Variants in NPR3 observed in about 807,000 individuals in gnomAD.
NPR3 encodes the protein natriuretic peptide receptor 3.
In NPR3, 34 loss-of-function variants were observed where a neutral mutation model predicts 54.5. The observed-to-expected ratio is 0.62, with a 90% CI of 0.47 to 0.83. NPR3 has a LOEUF of 0.83. Among genes scored for constraint, NPR3 ranks in the 40% least tolerant of loss-of-function variants. NPR3 has a pLI of 0.00. For missense variants in NPR3, 674 were observed against 720.8 expected (o/e 0.94, Z 0.74); for synonymous variants, 289 against 297.1 (o/e 0.97, Z 0.28).
At chr5:32,748,431 A>G (rs1340163616) in intron 3 of NPR3, among the ~76,000 whole-genome samples, 1 of 132,630 alleles carries the variant, frequency 7.5e-6, no homozygotes, top group Non-Finnish European at 1.6e-5. Flanking sequence ...GCAACAGCAG[A>G]AAGCATTACC....
upstream of NPR3, among the ~76,000 whole-genome samples, chr5:32,705,694 C>T (rs1737967393): frequency 1.3e-5 from 2 of 152,110 alleles, no homozygotes; most frequent in Admixed American, 1.3e-4. Flanking sequence ...CACCAGTCCC[C>T]TTTTCAAATA....
rs372653557 is a variant in NPR3, at chr5:32,786,218, C to T, written c.1515-16C>T. The T allele has an allele frequency of 2.6e-5, 28 of 1,093,154 alleles. No individual in the cohort carries two copies. The highest frequency in any genetic ancestry group is 3.4e-5 in the Non-Finnish European group (25 of 732,956). The allele number at this position is 1,093,154 out of a possible 1,614,324, so 67.7% of individuals were successfully genotyped here. ...TAGCCAAGTTTTATTACCACATTCA[C>T]TTTCCCTTTACCCAGGAAGAAATAC... On this transcript the variant is annotated splice_polypyrimidine_tract_variant and intron_variant, in intron 7 of 7. Coordinates refer to ENST00000265074, the MANE Select transcript of NPR3 (RefSeq NM_001204375.2).
chr5:32,758,552 A>G (rs1360390333), intron 3 of NPR3, among the ~76,000 whole-genome samples: 1 of 151,336 alleles, frequency 6.6e-6, no homozygotes, highest in African/African-American at 2.4e-5. Flanking sequence ...TCAAAAAACT[A>G]GCTCCTGGAT....
At chr5:32,785,292 G>A (rs539381729) in intron 7 of NPR3, among the ~76,000 whole-genome samples, 8 of 152,120 alleles carry the variant, frequency 5.3e-5, no homozygotes, top group African/African-American at 1.4e-4. Flanking sequence ...TGGGACTACA[G>A]GTGCAGACCA....
intron 4 of NPR3, among the ~76,000 whole-genome samples, chr5:32,776,391 C>G (rs1271173663): frequency 6.6e-6 from 1 of 152,312 alleles, no homozygotes; most frequent in Non-Finnish European, 1.5e-5. Context: ...TCTTGCACAT[C>G]TTGAAGAATT....
Position 32,787,594 on chromosome 5 carries a change from A to AAGAGGG in NPR3, c.*1249_*1250insAGAGGG. 6.6e-6 allele frequency: 1 copy of AAGAGGG among 152,334 alleles called. No homozygotes were observed. Among genetic ancestry groups the AAGAGGG allele is most frequent in the Middle Eastern group, 3.4e-3 (1 of 294 alleles). 9.4% of individuals were successfully genotyped at this position (152,334 alleles called of 1,614,324 possible). On this transcript the variant is annotated 3_prime_UTR_variant, in exon 8 of 8. Coordinates refer to ENST00000265074, the MANE Select transcript of NPR3 (RefSeq NM_001204375.2). ...ATTTTGTTTAAAAGAGGGAACCTAA[A>AAGAGGG]TATCTACTCTATTCCCTTTCAGTTA...
chr5:32,718,019 GA>G (rs1738648198), intron 1 of NPR3, among the ~76,000 whole-genome samples: 1 of 152,112 alleles, frequency 6.6e-6, no homozygotes, highest in Non-Finnish European at 1.5e-5. Context: ...AATCCATCTT[GA>G]ATTAATTTTT....
chr5:32,765,795 C>T lies in NPR3; in HGVS notation c.1060-8913C>T, dbSNP rs533415910. Among the ~76,000 whole-genome samples the T allele has an allele frequency of 1.1e-4, 17 of 152,226 alleles. 1 individual carries two copies. Among genetic ancestry groups the T allele is most frequent in the Non-Finnish European group, 1.5e-5 (1 of 68,014 alleles). ...AGGGGTCTTTGGAGGATACAGATGA[C>T]ACATTGAAAGGGAATCAAACGGAAT... On this transcript the variant is annotated intron_variant, in intron 3 of 7. Coordinates refer to ENST00000265074, the MANE Select transcript of NPR3 (RefSeq NM_001204375.2).
At chr5:32,779,221 A>G (rs1433884666) in intron 4 of NPR3, among the ~76,000 whole-genome samples, 1 of 152,172 alleles carries the variant, frequency 6.6e-6, no homozygotes, top group Non-Finnish European at 1.5e-5. Context: ...AGGAGTCAGT[A>G]CCTCCAGAGA....
In NPR3 at chr5:32,711,518, T is replaced by G. The variant is rs1321081843; in HGVS notation, c.-259T>G. The G allele has an allele frequency of 8.4e-7, 1 of 1,193,686 alleles. No individual in the cohort carries two copies. Among genetic ancestry groups the G allele is most frequent in the Non-Finnish European group, 1.0e-6 (1 of 964,584 alleles). The allele number at this position is 1,193,686 out of a possible 1,614,324, so 73.9% of individuals were successfully genotyped here. On this transcript the variant is annotated 5_prime_UTR_variant, in exon 1 of 8. Transcript: ENST00000265074. The stretch of plus-strand genomic sequence containing the variant: ...ATATACAAGTATATATATATGTATA[T>G]TACAGACGCACAGGTTTACACCCGG...
chr5:32,770,983 C>A (rs1741726214), intron 3 of NPR3, among the ~76,000 whole-genome samples: 1 of 151,836 alleles, frequency 6.6e-6, no homozygotes, highest in Non-Finnish European at 1.5e-5. Flanking sequence ...GGGGACATAC[C>A]AGCTGACCTT....
intron 1 of NPR3, among the ~76,000 whole-genome samples, chr5:32,701,245 C>T (rs1737788678): frequency 6.6e-6 from 1 of 152,076 alleles, no homozygotes; most frequent in South Asian, 2.1e-4. Context: ...ATCCTGTCCT[C>T]ATGTTCACTA....
chr5:32,711,762 C>T lies in NPR3; in HGVS notation c.-15C>T, dbSNP rs1364989669. The T allele has an allele frequency of 1.4e-6, 2 of 1,417,130 alleles. No homozygotes were observed. Among genetic ancestry groups the T allele is most frequent in the Non-Finnish European group, 1.8e-6 (2 of 1,085,632 alleles). 87.8% of individuals were successfully genotyped at this position (1,417,130 alleles called of 1,614,324 possible). A position where few individuals can be genotyped will look rare whatever the true frequency, so the allele number is the denominator to read the frequency against. On this transcript the variant is annotated 5_prime_UTR_variant, in exon 1 of 8. Coordinates refer to ENST00000265074, the MANE Select transcript of NPR3 (RefSeq NM_001204375.2). ...GAGTCGGCGGCGGCGAGGGCAAGCT[C>T]TTTCTTGCGGCACGATGCCGTCTCT...
chr5:32,738,942 T>A lies in NPR3; in HGVS notation c.971T>A (p.Leu324Gln). 1 of 1,614,014 alleles carries A rather than the reference T, an allele frequency of 6.2e-7. No homozygotes were observed. The change falls in exon 3 of 8, where the codon CTA becomes CAA. Residue 324 changes from leucine to glutamine, a missense_variant. Leu to Gln is a moderately radical substitution (Grantham distance 113). Transcript: ENST00000265074. Reference protein sequence around the residue: ...QAYSSLQTVTLLRTVKPEFEK... With the variant: ...QAYSSLQTVTQLRTVKPEFEK... Reference sequence around the variant, plus strand: ...TACTCGTCCCTCCAGACAGTCACTCTACTGAGGACAGTGAAACCTGAGTTT... The same window carrying A: ...TACTCGTCCCTCCAGACAGTCACTCAACTGAGGACAGTGAAACCTGAGTTT...
intron 3 of NPR3, among the ~76,000 whole-genome samples, chr5:32,753,105 G>A (rs1321343515): frequency 5.3e-5 from 8 of 152,146 alleles, no homozygotes; most frequent in African/African-American, 1.9e-4. Context: ...AATGTGAAGA[G>A]CCACAATACC....
At position 32,791,647 on chromosome 5, in the gene NPR3, T is replaced by C. The variant is rs1335653582; in HGVS notation, c.*5302T>C. On this transcript the variant is annotated 3_prime_UTR_variant, in exon 8 of 8. Transcript: ENST00000265074. ...AAATGTGTATGTGTCCTTGTAAATGTTTCTATCAAGCAAGAATGCCACGTA... is the reference window on the plus strand; with the variant it reads ...AAATGTGTATGTGTCCTTGTAAATGCTTCTATCAAGCAAGAATGCCACGTA... The C allele has an allele frequency of 1.2e-5, 2 of 166,942 alleles. No individual in the cohort carries two copies. The highest frequency in any genetic ancestry group is 4.8e-5 in the African/African-American group (2 of 41,460). 10.3% of individuals were successfully genotyped at this position (166,942 alleles called of 1,614,324 possible). A position where few individuals can be genotyped will look rare whatever the true frequency, so the allele number is the denominator to read the frequency against.
rs1430675344 is a variant in NPR3 at position 32,782,943 on chromosome 5, T to C, written c.1341T>C (p.Asn447=). 3 of 1,611,866 alleles carry C rather than the reference T, an allele frequency of 1.9e-6. No homozygotes were observed. Among genetic ancestry groups the C allele is most frequent in the Admixed American group, 1.7e-5 (1 of 59,814 alleles). ...AAGGTCGTTTTGAAATGCGGCCGAATGTCAAATATCCTTGGGGCCCTTTAA... is the reference window on the plus strand; with the variant it reads ...AAGGTCGTTTTGAAATGCGGCCGAACGTCAAATATCCTTGGGGCCCTTTAA... ...GKEGRFEMRP[N]VKYPWGPLKL... is the part of the protein sequence containing the mutation. The change falls in exon 6 of 8, where the codon AAT becomes AAC. Residue 447 remains asparagine, a synonymous_variant. Coordinates refer to ENST00000265074, the MANE Select transcript of NPR3 (RefSeq NM_001204375.2).
intron 1 of NPR3, chr5:32,713,340 C>CA (rs1206082299): frequency 1.5e-5 from 15 of 985,318 alleles, no homozygotes; most frequent in Non-Finnish European, 1.4e-5. Context: ...GAATAAAACC[C>CA]AAACTGGACA....
Position 32,791,404 on chromosome 5 carries a change from T to C in NPR3, c.*5059T>C, listed in dbSNP as rs1055919086. The C allele has an allele frequency of 6.0e-6, 1 of 167,106 alleles. No individual in the cohort carries two copies. The highest frequency in any genetic ancestry group is 2.4e-5 in the African/African-American group (1 of 41,454). The allele number at this position is 167,106 out of a possible 1,614,324, so 10.4% of individuals were successfully genotyped here. On this transcript the variant is annotated 3_prime_UTR_variant, in exon 8 of 8. Transcript: ENST00000265074. ...AAACAGTACAAATCTATCATGAGTC[T>C]GGTAGAAAAGTAAAAGTAAAAGCTG...
Sources: allele counts gnomAD v4.1 joint callset (sites outside exome capture counted in the v4.1 genomes callset), GRCh38; gene constraint gnomAD v4.1.1; transcripts MANE v1.5; gene names NCBI Gene and HGNC (gene_info 2026-07-23, HGNC 2026-07-21).